Variants in PCNT observed in about 807,000 individuals in gnomAD.
PCNT encodes kendrin.
A neutral mutation model predicts 380.4 loss-of-function variants in PCNT; 319 were observed. The observed-to-expected ratio is 0.84, with a 90% CI of 0.77 to 0.92. The LOEUF is 0.92. PCNT is among the 40% of genes least tolerant of loss of function. The pLI is 0.00. For synonymous variants in PCNT, 1,845 were observed against 1,735.2 expected (o/e 1.06, Z -1.57); for missense variants, 4,400 against 4,255.3 (o/e 1.03, Z -0.95).
At chr21:46,371,029 C>T (rs561604325) in intron 15 of PCNT, among the ~76,000 whole-genome samples, 3 of 151,636 alleles carry the variant, frequency 2.0e-5, no homozygotes, top group East Asian at 1.9e-4. Context: ...AGCGAGACTC[C>T]GTCTCAAAAA....
chr21:46,418,357 C>G (rs1460440868), intron 31 of PCNT, 51 bp downstream of exon 31: 1 of 1,077,416 alleles, frequency 9.3e-7, no homozygotes, highest in East Asian at 2.5e-5. Context: ...GGTTTCCTAG[C>G]ACAGAATAGT....
Position 46,411,856 on chromosome 21 carries a change from G to A in PCNT, c.5783G>A (p.Arg1928His), listed in dbSNP as rs747001958. ...CAGTGGCTCCGAGCGCAGTGTGCCC[G>A]CCTCAGCCGCCAGCTGCAGGTGCTG... The part of the protein sequence containing the change: ...ELQWLRAQCA[R>H]LSRQLQVLHQ... The change falls in exon 28 of 47, where the codon CGC (arginine) becomes CAC (histidine). Residue 1928 changes from arginine (R) to histidine (H), a missense_variant. Physicochemically the swap from Arg to His is conservative, Grantham distance 29. Coordinates refer to ENST00000359568, the MANE Select transcript of PCNT (RefSeq NM_006031.6). The A allele has an allele frequency of 1.0e-5, 16 of 1,561,454 alleles. No individual in the cohort carries two copies. The highest frequency in any genetic ancestry group is 4.7e-5 in the East Asian group (2 of 42,552).
At chr21:46,345,800 C>G (rs2084046936) in intron 3 of PCNT, among the ~76,000 whole-genome samples, 1 of 152,220 alleles carries the variant, frequency 6.6e-6, no homozygotes, top group Non-Finnish European at 1.5e-5. Flanking sequence ...TTTGCAGATC[C>G]TGAACACTTG....
chr21:46,366,533 A>G (rs2084933928), intron 14 of PCNT, 51 bp from the exon 15 acceptor site: 1 of 1,496,644 alleles, frequency 6.7e-7, no homozygotes, highest in African/African-American at 1.4e-5. Flanking sequence ...TGCAAGGGTC[A>G]TTGCTTCCTG....
At chr21:46,330,525 A>G (rs1220855837) in intron 2 of PCNT, among the ~76,000 whole-genome samples, 3 of 152,188 alleles carry the variant, frequency 2.0e-5, no homozygotes, top group African/African-American at 7.2e-5. Context: ...TTCTTAAGCC[A>G]TTTTGTCAAT....
chr21:46,392,589 G>A (rs1425896174), intron 21 of PCNT, among the ~76,000 whole-genome samples: 1 of 152,194 alleles, frequency 6.6e-6, no homozygotes, highest in Admixed American at 6.5e-5. Context: ...CCTTTCACAG[G>A]ATGTGGGGTT....
Position 46,381,741 on chromosome 21 carries a change from G to C in PCNT, c.3213G>C (p.Glu1071Asp), listed in dbSNP as rs755386437. The C allele has an allele frequency of 7.4e-6, 12 of 1,613,988 alleles. No homozygotes were observed. The highest frequency in any genetic ancestry group is 1.0e-5 in the Non-Finnish European group (12 of 1,179,944). ...EKKTALHEKE[E>D]TLRLQSAQAQ... ...AAACTGCTTTGCATGAAAAAGAGGA[G>C]ACACTTCGGCTTCAGAGTGCACAGG... is the stretch of plus-strand genomic sequence containing the variant. Residue 1071 changes from glutamate to aspartate, a missense_variant, in exon 16 of 47, where the codon GAG becomes GAC. Coordinates refer to ENST00000359568, the MANE Select transcript of PCNT (RefSeq NM_006031.6).
intron 24 of PCNT, 50 bp downstream of exon 24, chr21:46,398,305 C>T (rs1055098468): frequency 1.9e-6 from 3 of 1,556,662 alleles, no homozygotes; most frequent in African/African-American, 2.7e-5. Context: ...CGCCCAGGCT[C>T]CCCTGCGCTC....
chr21:46,395,035 A>G (rs1441844783), intron 21 of PCNT, among the ~76,000 whole-genome samples: 1 of 152,246 alleles, frequency 6.6e-6, no homozygotes, highest in African/African-American at 2.4e-5. Context: ...GTCCAGGCCC[A>G]GGGAGTGCAG....
At chr21:46,429,218 C>T (rs577261900) in intron 35 of PCNT, among the ~76,000 whole-genome samples, 11 of 151,698 alleles carry the variant, frequency 7.3e-5, no homozygotes, top group African/African-American at 2.2e-4. Context: ...GGCTGGGGGC[C>T]GGCGCTGTGC....
chr21:46,430,983 C>T, intron 37 of PCNT: 1 of 985,416 alleles, frequency 1.0e-6, no homozygotes, highest in Admixed American at 6.1e-5. Context: ...GGTCTGTGCA[C>T]AAGGCAGGCT....
At chr21:46,409,890 G>A (rs555067545) in intron 27 of PCNT, among the ~76,000 whole-genome samples, 20 of 152,294 alleles carry the variant, frequency 1.3e-4, no homozygotes, top group African/African-American at 4.1e-4. Context: ...CACCGCGCCC[G>A]GCCTCAGTTC....
intron 2 of PCNT, among the ~76,000 whole-genome samples, chr21:46,328,657 C>T (rs574653216): frequency 1.1e-4 from 17 of 152,078 alleles, no homozygotes; most frequent in Non-Finnish European, 2.5e-4. Context: ...GACAGGGTTT[C>T]ACCATGTTGG....
intron 19 of PCNT, among the ~76,000 whole-genome samples, chr21:46,390,240 G>T (rs1026913727): frequency 6.6e-6 from 1 of 152,284 alleles, no homozygotes; most frequent in African/African-American, 2.4e-5. Flanking sequence ...TTGATCCTGG[G>T]AGGCTGAGGC....
intron 40 of PCNT, 46 bp from the exon 41 acceptor site, chr21:46,438,118 G>T: frequency 2.1e-6 from 3 of 1,456,376 alleles, no homozygotes; most frequent in Non-Finnish European, 2.9e-6. Flanking sequence ...TAATGTTCAT[G>T]CCCTTTAACA....
intron 15 of PCNT, among the ~76,000 whole-genome samples, chr21:46,370,294 T>G (rs1400737431): frequency 6.6e-6 from 1 of 152,026 alleles, no homozygotes; most frequent in African/African-American, 2.4e-5. Flanking sequence ...TGGTCTGGTC[T>G]GCAGGCAGTG....
rs759237689 is a variant in PCNT at position 46,363,880 on chromosome 21, C to CCTT, written c.2555_2556insCTT (p.Ala852_Ala853insPhe). Reference sequence around the variant, plus strand: ...CCCACAGCCCAGGACGGGGAGCTTGCTGCGCTCCACGTGAAGGAAGACTGC... The same window carrying CCTT: ...CCCACAGCCCAGGACGGGGAGCTTGCCTTTGCGCTCCACGTGAAGGAAGACTGC... On this transcript the variant is annotated inframe_insertion, in exon 14 of 47. Coordinates refer to ENST00000359568, the MANE Select transcript of PCNT (RefSeq NM_006031.6). 3.4e-4 allele frequency: 543 copies of CCTT among 1,612,094 alleles called. No individual in the cohort carries two copies. Among genetic ancestry groups the CCTT allele is most frequent in the Non-Finnish European group, 4.4e-4 (516 of 1,179,536 alleles).
intron 3 of PCNT, among the ~76,000 whole-genome samples, chr21:46,336,215 G>T (rs556712067): frequency 6.6e-6 from 1 of 152,216 alleles, no homozygotes; most frequent in African/African-American, 2.4e-5. Flanking sequence ...GACCTCAGGT[G>T]ATCCTCCTGC....
At chr21:46,376,607 A>G (rs1411662660) in intron 15 of PCNT, among the ~76,000 whole-genome samples, 2 of 152,184 alleles carry the variant, frequency 1.3e-5, no homozygotes, top group Non-Finnish European at 2.9e-5. Context: ...TGCCGGGTGC[A>G]TTGGCATTTG....
Sources: gnomAD v4.1 joint callset for allele counts (sites outside exome capture counted in the v4.1 genomes callset) on GRCh38, gnomAD v4.1.1 for gene constraint, MANE v1.5 for transcripts, NCBI Gene and HGNC (gene_info 2026-07-23, HGNC 2026-07-21) for gene names.